WDR49: variants seen among roughly 807,000 people sequenced by gnomAD.
WDR49 encodes the protein cilia- and flagella-associated protein 337.
WDR49 carries 107 observed loss-of-function variants against 119.5 expected under a neutral mutation model. The ratio of observed to expected loss-of-function variants is 0.90; its 90% CI spans 0.77 to 1.05. WDR49 has a LOEUF of 1.05. Ranked by LOEUF, WDR49 falls within the 50% of genes least tolerant of loss-of-function variation. The pLI is 0.00. For synonymous variants in WDR49, 425 were observed against 418.8 expected, an observed-to-expected ratio of 1.01 and a Z score of -0.18; for missense variants, 1,240 against 1,220.5, an observed-to-expected ratio of 1.02 and a Z score of -0.24.
At chr3:167,559,257 T>C (rs577109372) in intron 9 of WDR49, among the ~76,000 whole-genome samples, 2 of 152,306 alleles carry the variant, frequency 1.3e-5, no homozygotes, top group Admixed American at 6.5e-5. Flanking sequence ...CCATGGAAGG[T>C]AGTCTAATAC....
At chr3:167,597,882 T>A (rs1349379271) in intron 7 of WDR49, among the ~76,000 whole-genome samples, 1 of 152,140 alleles carries the variant, frequency 6.6e-6, no homozygotes, top group Non-Finnish European at 1.5e-5. Context: ...TGCTTTAGCA[T>A]TTGCAGGCTC....
In WDR49 at chr3:167,523,812, T is replaced by C. The variant is rs982900638; in HGVS notation, c.2605-1328A>G. ...GTCTATCATTGATGGGTATTTGGGT[T>C]GGTTCCAAGTCTTTGCTATTGTAAA... On this transcript the variant is annotated intron_variant, in intron 15 of 18. Transcript: ENST00000682715. Among the ~76,000 whole-genome samples the C allele has an allele frequency of 3.9e-5, 6 of 152,302 alleles. No individual in the cohort carries two copies. The East Asian group carries it at 1.2e-3, about 29-fold the overall frequency.
At chr3:167,642,393 A>G (rs1717921871) in intron 2 of WDR49, among the ~76,000 whole-genome samples, 1 of 152,044 alleles carries the variant, frequency 6.6e-6, no homozygotes, top group African/African-American at 2.4e-5. Flanking sequence ...TACAGAATAA[A>G]GCATACAAAT....
At chr3:167,544,619 T>A (rs1383602420) in intron 10 of WDR49, among the ~76,000 whole-genome samples, 1 of 152,036 alleles carries the variant, frequency 6.6e-6, no homozygotes, top group Non-Finnish European at 1.5e-5. Context: ...CAACAAATGG[T>A]GCTAGGATAA....
intron 12 of WDR49, among the ~76,000 whole-genome samples, chr3:167,531,659 A>T (rs1354690669): frequency 3.9e-5 from 6 of 152,164 alleles, no homozygotes; most frequent in Non-Finnish European, 8.8e-5. Context: ...TATAATGAAC[A>T]TGAGTTCTAA....
chr3:167,554,031 A>G (rs990075808), intron 10 of WDR49, among the ~76,000 whole-genome samples: 3 of 152,094 alleles, frequency 2.0e-5, no homozygotes, highest in Non-Finnish European at 1.5e-5. Flanking sequence ...AAACTGATGA[A>G]TTAATGGACA....
chr3:167,485,552 T>C (rs1200398563), intron 18 of WDR49, among the ~76,000 whole-genome samples: 2 of 151,988 alleles, frequency 1.3e-5, no homozygotes, highest in Non-Finnish European at 1.5e-5. Context: ...AAATATTAAA[T>C]AGCTATTTTA....
At position 167,575,949 on chromosome 3, in the gene WDR49, GT is replaced by G; in HGVS notation, c.1477del (p.Thr493LeufsTer9). ...CAAGATAGAATTGTAAAGAACACAA[GT>G]GACTGCTTTCTCATGGCTTTTCACC... is the stretch of plus-strand genomic sequence containing the variant. ...KRVKSHEKAVTCVLYNSILKQ... is the reference protein window; with the variant it reads ...KRVKSHEKAVXCVLYNSILKQ... On this transcript the variant is annotated frameshift_variant, in exon 8 of 19. Transcript: ENST00000682715. LOFTEE classifies it high-confidence loss of function. The G allele has an allele frequency of 6.2e-7, 1 of 1,614,130 alleles. No homozygotes were observed. The highest frequency in any genetic ancestry group is 8.5e-7 in the Non-Finnish European group (1 of 1,179,998).
intron 7 of WDR49, among the ~76,000 whole-genome samples, chr3:167,597,566 A>G (rs1715546599): frequency 6.6e-6 from 1 of 152,214 alleles, no homozygotes; most frequent in African/African-American, 2.4e-5. Flanking sequence ...TGCGTCGTGC[A>G]CCTGAAAAAG....
chr3:167,594,712 A>G (rs1260978761), intron 7 of WDR49, among the ~76,000 whole-genome samples: 1 of 152,180 alleles, frequency 6.6e-6, no homozygotes, highest in East Asian at 1.9e-4. Context: ...TTGATGGGAC[A>G]TATCTCAAAA....
intron 5 of WDR49, 78 bp downstream of exon 5, chr3:167,620,351 T>G (rs959194713): frequency 3.6e-6 from 5 of 1,381,872 alleles, no homozygotes; most frequent in Non-Finnish European, 4.7e-6. Flanking sequence ...AGGTTTTGTG[T>G]GAAGCATTTT....
chr3:167,654,460 A>G (rs1342536203), upstream of WDR49, among the ~76,000 whole-genome samples: 3 of 152,226 alleles, frequency 2.0e-5, no homozygotes, highest in Non-Finnish European at 4.4e-5. Flanking sequence ...ATAATAATGA[A>G]AAGGAGGAGA....
chr3:167,570,518 T>C (rs1274569944), intron 8 of WDR49, among the ~76,000 whole-genome samples: 1 of 152,216 alleles, frequency 6.6e-6, no homozygotes, highest in Non-Finnish European at 1.5e-5. Context: ...ATAGAGCTGT[T>C]TGGACTGCAA....
At chr3:167,597,398 G>T (rs1353697826) in intron 7 of WDR49, among the ~76,000 whole-genome samples, 3 of 152,198 alleles carry the variant, frequency 2.0e-5, no homozygotes, top group Non-Finnish European at 4.4e-5. Context: ...GAAGTGGGCT[G>T]CAGGGAGCCC....
chr3:167,523,056 A>G (rs1439771406), intron 15 of WDR49, among the ~76,000 whole-genome samples: 1 of 152,118 alleles, frequency 6.6e-6, no homozygotes, highest in African/African-American at 2.4e-5. Flanking sequence ...CTCATCTTAT[A>G]TCAATACACT....
chr3:167,564,737 T>C (rs1464118806), intron 8 of WDR49, among the ~76,000 whole-genome samples: 1 of 152,194 alleles, frequency 6.6e-6, no homozygotes, highest in East Asian at 1.9e-4. Flanking sequence ...AATAACTGTT[T>C]AGGAATATGT....
chr3:167,621,532 C>G lies in WDR49; in HGVS notation c.718G>C (p.Asp240His). ...QGLKGTPICM[D>H]YWYDPLDANE... ...GCATCAAGAGGATCATACCAATAAT[C>G]CATGCAAATTGGTGTTCCTTTCAGG... Residue 240 changes from aspartate (D) to histidine (H), a missense_variant, in exon 4 of 19, where the codon GAT becomes CAT. Transcript: ENST00000682715. The G allele has an allele frequency of 6.5e-7, 1 of 1,535,544 alleles. No individual in the cohort carries two copies. Among genetic ancestry groups the G allele is most frequent in the Non-Finnish European group, 8.7e-7 (1 of 1,146,456 alleles).
chr3:167,597,827 T>C (rs1715560919), intron 7 of WDR49, among the ~76,000 whole-genome samples: 1 of 152,190 alleles, frequency 6.6e-6, no homozygotes, highest in African/African-American at 2.4e-5. Context: ...ATGGTAACAT[T>C]TACTCAATGC....
chr3:167,653,436 C>T lies in WDR49; in HGVS notation c.-11G>A. On this transcript the variant is annotated 5_prime_UTR_variant, in exon 2 of 19. It adds an upstream start codon to the 5' untranslated region. Coordinates refer to ENST00000682715, the MANE Select transcript of WDR49 (RefSeq NM_001366157.1). ...TTTCTGGCAACTCATAATGGCTTCACCTTTTCTCAGTTGCCTTCAACTATT... is the reference window on the plus strand; with the variant it reads ...TTTCTGGCAACTCATAATGGCTTCATCTTTTCTCAGTTGCCTTCAACTATT... 1.3e-6 allele frequency: 2 copies of T among 1,486,524 alleles called. No homozygotes were observed. The highest frequency in any genetic ancestry group is 1.8e-6 in the Non-Finnish European group (2 of 1,125,220). The allele number at this position is 1,486,524 out of a possible 1,614,324, so 92.1% of individuals were successfully genotyped here.
Sources: gnomAD v4.1 joint callset for allele counts (sites outside exome capture counted in the v4.1 genomes callset) on GRCh38, gnomAD v4.1.1 for gene constraint, MANE v1.5 for transcripts, NCBI Gene and HGNC (gene_info 2026-07-23, HGNC 2026-07-21) for gene names.